Variants in BPIFB4 observed in about 807,000 individuals in gnomAD.
BPIFB4 encodes the protein BPI fold-containing family B member 4.
BPIFB4 carries 62 observed loss-of-function variants against 69.2 expected under a neutral mutation model. The ratio of observed to expected loss-of-function variants is 0.90; its 90% CI spans 0.73 to 1.11. The LOEUF is 1.11. BPIFB4 is among the 50% of genes least tolerant of loss of function. The pLI is 0.00. For synonymous variants in BPIFB4, 330 were observed against 332.7 expected (o/e 0.99, Z 0.09); for missense variants, 789 against 792.0 (o/e 1.00, Z 0.04).
At chr20:33,101,287 A>T (rs1981901778) in intron 14 of BPIFB4, among the ~76,000 whole-genome samples, 1 of 152,132 alleles carries the variant, frequency 6.6e-6, no homozygotes, top group Admixed American at 6.5e-5. Context: ...CTGTGAGCCA[A>T]CCCAGGTTCA....
Position 33,082,263 on chromosome 20 carries a change from A to T in BPIFB4, c.106+631A>T, listed in dbSNP as rs957216170. 5.3e-5 allele frequency among the ~76,000 whole-genome samples: 8 copies of T among 152,192 alleles called. No homozygotes were observed. The South Asian group carries it at 1.7e-3, about 32-fold the overall frequency. On this transcript the variant is annotated intron_variant, in intron 3 of 17. Coordinates refer to ENST00000375483, the MANE Select transcript of BPIFB4 (RefSeq NM_182519.3). Reference sequence around the variant, plus strand: ...AGGCCTCAATCTTTCTATCCATCAGACGGGTACACTTCTGGCCTTGACTAT... The same window carrying T: ...AGGCCTCAATCTTTCTATCCATCAGTCGGGTACACTTCTGGCCTTGACTAT...
rs1981995480 is a variant in BPIFB4 at position 33,104,741 on chromosome 20, A to C, written c.1681-69A>C. The C allele has an allele frequency of 1.4e-5, 20 of 1,471,766 alleles. No individual in the cohort carries two copies. The South Asian group carries it at 2.3e-4, about 17-fold the overall frequency. The allele number at this position is 1,471,766 out of a possible 1,614,324, so 91.2% of individuals were successfully genotyped here. Reference sequence around the variant, plus strand: ...TGTCTCCACCTTGAGCCAGGGGAGCAGACCCAAGGGGCCCTCTGGAGCTGA... The same window carrying C: ...TGTCTCCACCTTGAGCCAGGGGAGCCGACCCAAGGGGCCCTCTGGAGCTGA... On this transcript the variant is annotated intron_variant, in intron 15 of 17. Transcript: ENST00000375483.
intron 17 of BPIFB4, among the ~76,000 whole-genome samples, 179 bp downstream of exon 17, chr20:33,107,999 T>C (rs1982119890): frequency 6.6e-6 from 1 of 152,172 alleles, no homozygotes; most frequent in East Asian, 1.9e-4. Flanking sequence ...CTGTTAAGGA[T>C]CCTTGAAGAC....
intron 13 of BPIFB4, among the ~76,000 whole-genome samples, chr20:33,099,961 A>G (rs758143949): frequency 3.9e-5 from 6 of 152,022 alleles, no homozygotes; most frequent in Non-Finnish European, 5.9e-5. Context: ...GGCCTTTTAT[A>G]TCCTCTCCTG....
intron 12 of BPIFB4, among the ~76,000 whole-genome samples, chr20:33,097,150 C>A (rs905105871): frequency 6.6e-6 from 1 of 152,056 alleles, no homozygotes; most frequent in Non-Finnish European, 1.5e-5. Flanking sequence ...GGCTCTGAGC[C>A]CACAGACATG....
intron 13 of BPIFB4, 62 bp from the exon 14 acceptor site, chr20:33,100,364 T>A: frequency 2.1e-6 from 3 of 1,418,654 alleles, no homozygotes; most frequent in Non-Finnish European, 3.0e-6. Flanking sequence ...ACAATGAGCC[T>A]TTGGCAAGCA....
At chr20:33,091,758 G>C (rs1981606222) in intron 10 of BPIFB4, among the ~76,000 whole-genome samples, 1 of 152,240 alleles carries the variant, frequency 6.6e-6, no homozygotes, top group Admixed American at 6.5e-5. Flanking sequence ...CCCTGATGGA[G>C]ATTAGAATGT....
chr20:33,086,100 C>A lies in BPIFB4; in HGVS notation c.862C>A (p.Pro288Thr), dbSNP rs1362448920. The A allele has an allele frequency of 1.2e-6, 2 of 1,613,460 alleles. No homozygotes were observed. The highest frequency in any genetic ancestry group is 2.2e-5 in the East Asian group (1 of 44,872). The change falls in exon 7 of 18, where the codon CCT becomes ACT. Residue 288 changes from proline (P) to threonine (T), a missense_variant. This residue lies in a region of BPIFB4 where 611 missense variants were observed against 575.4 expected (regional missense o/e 1.06). Coordinates refer to ENST00000375483, the MANE Select transcript of BPIFB4 (RefSeq NM_182519.3). The part of the protein sequence containing the change: ...VRLTMDRTGY[P>T]RLVIERCDTL... ...GCTGACCATGGACCGCACGGGTTAT[C>A]CTCGGCTGGTCATTGAGCGATGTGA...
chr20:33,084,936 T>C lies in BPIFB4; in HGVS notation c.722T>C (p.Leu241Pro), dbSNP rs1284759337. 3.1e-6 allele frequency: 5 copies of C among 1,611,194 alleles called. No homozygotes were observed. In the African/African-American group the frequency reaches 5.3e-5, roughly 17 times the overall value. Residue 241 changes from leucine (L) to proline (P), a missense_variant, in exon 6 of 18, where the codon CTC becomes CCC. Around this residue, in one of 3 missense-constraint regions of BPIFB4, gnomAD observed 611 missense variants for 575.4 expected, o/e 1.06. Coordinates refer to ENST00000375483, the MANE Select transcript of BPIFB4 (RefSeq NM_182519.3). ...ACCCTCCCTCGGGTGTCCGTGCGGC[T>C]CCTGCCCGGCGTGGGTGTCTACCTG... is the stretch of plus-strand genomic sequence containing the variant. ...ELTLPRVSVRLLPGVGVYLSL... is the reference protein window; with the variant it reads ...ELTLPRVSVRPLPGVGVYLSL...
chr20:33,107,460 A>AAAAC (rs758530369), intron 16 of BPIFB4, among the ~76,000 whole-genome samples: 1 of 151,888 alleles, frequency 6.6e-6, no homozygotes, highest in Non-Finnish European at 1.5e-5. Context: ...AACAAAAAAC[A>AAAAC]AAACAAACAA....
At position 33,111,330 on chromosome 20, in the gene BPIFB4, G is replaced by A. The variant is rs17124167; in HGVS notation, c.1822-84G>A. The A allele has an allele frequency of 2.1e-5, 33 of 1,559,630 alleles. No homozygotes were observed. The African/African-American group carries it at 2.3e-4, about 11-fold the overall frequency. On this transcript the variant is annotated intron_variant, in intron 17 of 17. Transcript: ENST00000375483. The stretch of plus-strand genomic sequence containing the variant: ...GTTACTGCTTCCTAGAAACATGACC[G>A]GCCAGATCCGTAGGCAGGTGAGTAG...
At chr20:33,082,833 G>T in intron 3 of BPIFB4, 105 bp from the exon 4 acceptor site, 1 of 1,156,576 alleles carries the variant, frequency 8.6e-7, no homozygotes, top group Non-Finnish European at 1.3e-6. Context: ...TCGCTGGTGG[G>T]AAAAGTGAGG....
chr20:33,084,955 C>G lies in BPIFB4; in HGVS notation c.741C>G (p.Val247=), dbSNP rs1359569084. ...VSVRLLPGVG[V]YLSLYTRVAI... Reference sequence around the variant, plus strand: ...TGCGGCTCCTGCCCGGCGTGGGTGTCTACCTGAGCTTGTACACCCGTGTGG... The same window carrying G: ...TGCGGCTCCTGCCCGGCGTGGGTGTGTACCTGAGCTTGTACACCCGTGTGG... Residue 247 remains valine (V), a synonymous_variant, in exon 6 of 18, where the codon GTC becomes GTG. Coordinates refer to ENST00000375483, the MANE Select transcript of BPIFB4 (RefSeq NM_182519.3). The G allele has an allele frequency of 1.2e-6, 2 of 1,611,870 alleles. No individual in the cohort carries two copies. The highest frequency in any genetic ancestry group is 1.7e-6 in the Non-Finnish European group (2 of 1,180,018).
At chr20:33,094,009 C>G (rs62210223) in intron 11 of BPIFB4, among the ~76,000 whole-genome samples, 43,410 of 152,130 alleles carry the variant, frequency 0.29, 6,427 homozygotes, top group African/African-American at 0.32. Context: ...TGAGCTTTCG[C>G]AGACATCATG....
chr20:33,110,052 T>C (rs986095297), intron 17 of BPIFB4, among the ~76,000 whole-genome samples: 1 of 152,282 alleles, frequency 6.6e-6, no homozygotes, highest in Non-Finnish European at 1.5e-5. Flanking sequence ...CAGAGTACCA[T>C]GATCAAAACC....
intron 12 of BPIFB4, 152 bp downstream of exon 12, chr20:33,095,305 G>A: frequency 2.4e-6 from 2 of 844,278 alleles, no homozygotes; most frequent in Non-Finnish European, 3.9e-6. Context: ...AGGGCTTGCA[G>A]GCTAGACCCC....
At chr20:33,082,338 T>C (rs1600551409) in intron 3 of BPIFB4, among the ~76,000 whole-genome samples, 2 of 152,256 alleles carry the variant, frequency 1.3e-5, no homozygotes, top group East Asian at 3.9e-4. Flanking sequence ...TTTTATTTTA[T>C]TTTATTTTAT....
chr20:33,109,266 C>G (rs753237142), intron 17 of BPIFB4, among the ~76,000 whole-genome samples: 3 of 152,104 alleles, frequency 2.0e-5, no homozygotes, highest in Non-Finnish European at 4.4e-5. Context: ...TTAGGAAACA[C>G]GAACAGGATT....
rs376957231 is a variant in BPIFB4, at chr20:33,086,101, C to T, written c.863C>T (p.Pro288Leu). Reference protein sequence around the residue: ...VRLTMDRTGYPRLVIERCDTL... With the variant: ...VRLTMDRTGYLRLVIERCDTL... ...CTGACCATGGACCGCACGGGTTATC[C>T]TCGGCTGGTCATTGAGCGATGTGAC... Residue 288 changes from proline to leucine, a missense_variant, in exon 7 of 18, where the codon CCT becomes CTT. Coordinates refer to ENST00000375483, the MANE Select transcript of BPIFB4 (RefSeq NM_182519.3). The T allele has an allele frequency of 8.7e-6, 14 of 1,613,460 alleles. No homozygotes were observed. The highest frequency in any genetic ancestry group is 1.3e-5 in the African/African-American group (1 of 74,910).
Sources: allele counts gnomAD v4.1 joint callset (sites outside exome capture counted in the v4.1 genomes callset), GRCh38; gene constraint gnomAD v4.1.1; regional missense constraint gnomAD v4.1.1; transcripts MANE v1.5; gene names NCBI Gene and HGNC (gene_info 2026-07-23, HGNC 2026-07-21).